The following WDR91 variants were observed in gnomAD, a reference collection of about 807,000 sequenced individuals.
The protein encoded by WDR91 is WD repeat-containing protein 91.
WDR91 carries 52 observed loss-of-function variants against 88.4 expected under a neutral mutation model. The observed-to-expected ratio is 0.59, with a 90% confidence interval of 0.47 to 0.74. The LOEUF is 0.74. Among genes scored for constraint, WDR91 ranks in the 30% least tolerant of loss-of-function variants. The pLI, the probability that WDR91 is intolerant of heterozygous loss-of-function variation, is 0.00. For synonymous variants in WDR91, 362 were observed against 389.5 expected (o/e 0.93, Z 0.83); for missense variants, 824 against 954.5 (o/e 0.86, Z 1.80).
intron 1 of WDR91, among the ~76,000 whole-genome samples, chr7:135,210,243 G>A (rs763018658): frequency 7.9e-5 from 12 of 152,126 alleles, no homozygotes; most frequent in Admixed American, 2.0e-4. Flanking sequence ...CCAGCTACTC[G>A]GGAGGCTGAG....
At chr7:135,208,253 C>T (rs967422831) in intron 3 of WDR91, among the ~76,000 whole-genome samples, 6 of 152,154 alleles carry the variant, frequency 3.9e-5, no homozygotes, top group African/African-American at 1.4e-4. Context: ...TACCTGCATT[C>T]TCATTCATTC....
rs1372199462 is a variant in WDR91, at chr7:135,187,129, G to T, written c.1922C>A (p.Ser641Tyr). Residue 641 changes from serine to tyrosine, a missense_variant, in exon 14 of 15, where the codon TCC becomes TAC. Transcript: ENST00000354475. ...GGCATCTGAGGGGAGGCTGTACTCGGATACCTTGAGGCCACTCTTGTGGAT... is the reference window on the plus strand; with the variant it reads ...GGCATCTGAGGGGAGGCTGTACTCGTATACCTTGAGGCCACTCTTGTGGAT... ...WNIHKSGLKV[S>Y]EYSLPSDATG... is the part of the protein sequence containing the mutation. The T allele has an allele frequency of 6.2e-7, 1 of 1,614,238 alleles. No individual in the cohort carries two copies. The highest frequency in any genetic ancestry group is 1.1e-5 in the South Asian group (1 of 91,092).
In WDR91 at chr7:135,186,138, T is replaced by C. The variant is rs755247860; in HGVS notation, c.*13A>G. 17 of 1,579,572 alleles carry C rather than the reference T, an allele frequency of 1.1e-5. No individual in the cohort carries two copies. The Admixed American group carries it at 2.1e-4, about 20-fold the overall frequency. On this transcript the variant is annotated 3_prime_UTR_variant, in exon 15 of 15. Transcript: ENST00000354475. The stretch of plus-strand genomic sequence containing the variant: ...ATAATACTGCTTCCTCGGGTGGCCC[T>C]TGGGGCAAGTCATCAGGCTTTATGG...
intron 9 of WDR91, among the ~76,000 whole-genome samples, chr7:135,194,489 A>T (rs530610346): frequency 6.6e-6 from 1 of 152,342 alleles, no homozygotes; most frequent in East Asian, 1.9e-4. Flanking sequence ...TCAAATATCA[A>T]ATCCAGAGGG....
intron 11 of WDR91, among the ~76,000 whole-genome samples, chr7:135,190,090 C>T (rs184728230): frequency 4.9e-4 from 74 of 152,212 alleles, no homozygotes; most frequent in African/African-American, 1.4e-3. Context: ...AAAGCAAGAA[C>T]GCAGAGAACC....
intron 5 of WDR91, among the ~76,000 whole-genome samples, chr7:135,205,435 T>C (rs1346926900): frequency 6.6e-6 from 1 of 152,148 alleles, no homozygotes; most frequent in Non-Finnish European, 1.5e-5. Context: ...CTAGAGGACT[T>C]CTGAGGCCAT....
chr7:135,189,383 G>A lies in WDR91; in HGVS notation c.1729C>T (p.Leu577=), dbSNP rs760250821. Residue 577 remains leucine (L), a synonymous_variant, in exon 12 of 15, where the codon CTG becomes TTG. Coordinates refer to ENST00000354475, the MANE Select transcript of WDR91 (RefSeq NM_014149.4). The stretch of plus-strand genomic sequence containing the variant: ...ACGCCATCAGCTGCCCCTGTGACCA[G>A]CAGGTTCCCGTTGTGATTGAAGGCT... The part of the protein sequence containing the change: ...CTAFNHNGNL[L]VTGAADGVIR... 8 of 1,613,966 alleles carry A rather than the reference G, an allele frequency of 5.0e-6. No homozygotes were observed. Among genetic ancestry groups the A allele is most frequent in the Admixed American group, 1.7e-5 (1 of 60,016 alleles).
intron 8 of WDR91, among the ~76,000 whole-genome samples, chr7:135,195,766 G>A (rs960677155): frequency 6.6e-6 from 1 of 152,112 alleles, no homozygotes; most frequent in East Asian, 1.9e-4. Flanking sequence ...GGCCAACATG[G>A]TGAAACCCCG....
In WDR91 at chr7:135,209,636, T is replaced by C; in HGVS notation, c.243A>G (p.Arg81=). The part of the protein sequence containing the change: ...RLFSRLEDIY[R]PTIHKLKTSL... Reference sequence around the variant, plus strand: ...TGGTTTTCAGCTTGTGGATTGTGGGTCTGTATATATCCTCCAAGCGGCTGA... The same window carrying C: ...TGGTTTTCAGCTTGTGGATTGTGGGCCTGTATATATCCTCCAAGCGGCTGA... Residue 81 remains arginine, a synonymous_variant, in exon 2 of 15, where the codon AGA becomes AGG. Coordinates refer to ENST00000354475, the MANE Select transcript of WDR91 (RefSeq NM_014149.4). 4 of 1,611,374 alleles carry C rather than the reference T, an allele frequency of 2.5e-6. No individual in the cohort carries two copies. Among genetic ancestry groups the C allele is most frequent in the Non-Finnish European group, 3.4e-6 (4 of 1,178,696 alleles).
At chr7:135,188,580 C>G (rs1285895911) in intron 12 of WDR91, 35 bp from the exon 13 acceptor site, 2 of 1,572,894 alleles carry the variant, frequency 1.3e-6, no homozygotes, top group East Asian at 4.5e-5. Flanking sequence ...CACATCCTGG[C>G]CAGGGCTCTG....
In WDR91 at chr7:135,186,365, C is replaced by T. The variant is rs1351972265; in HGVS notation, c.2080-50G>A. 1.9e-6 allele frequency: 3 copies of T among 1,578,082 alleles called. No homozygotes were observed. The African/African-American group carries it at 4.1e-5, about 22-fold the overall frequency. ...GAGGTGTCAGCAAACACCAGTTACA[C>T]ACACTTGATCCACTTTCAGTGGCCT... On this transcript the variant is annotated intron_variant, in intron 14 of 14. Coordinates refer to ENST00000354475, the MANE Select transcript of WDR91 (RefSeq NM_014149.4).
intron 13 of WDR91, 98 bp downstream of exon 13, chr7:135,188,335 G>A (rs1047301068): frequency 2.0e-5 from 18 of 892,340 alleles, no homozygotes; most frequent in Non-Finnish European, 2.8e-5. Context: ...GCAAAAAGAG[G>A]CCCCAGGTTG....
At position 135,193,608 on chromosome 7, in the gene WDR91, CAG is replaced by C. The variant is rs758606191; in HGVS notation, c.1458_1459del (p.Cys487Ter). 23 of 1,614,180 alleles carry C rather than the reference CAG, an allele frequency of 1.4e-5. No individual in the cohort carries two copies. Among genetic ancestry groups the C allele is most frequent in the Non-Finnish European group, 1.9e-5 (22 of 1,180,024 alleles). Reference sequence around the variant, plus strand: ...CATGTTGTCGTTGATATTGATTTCACAGAGATTCTTCTTGGCTTCCGTGTCAT... The same window carrying C: ...CATGTTGTCGTTGATATTGATTTCACAGATTCTTCTTGGCTTCCGTGTCAT... On this transcript the variant is annotated frameshift_variant, in exon 10 of 15. Coordinates refer to ENST00000354475, the MANE Select transcript of WDR91 (RefSeq NM_014149.4). LOFTEE classifies it high-confidence loss of function.
chr7:135,193,346 G>A lies in WDR91; in HGVS notation c.1544C>T (p.Ala515Val). The change falls in exon 11 of 15, where the codon GCA becomes GTA. Residue 515 changes from alanine to valine, a missense_variant. Ala to Val is a moderately conservative substitution (Grantham distance 64). Transcript: ENST00000354475. ...CACCTGGGAAGTGAGGCTCGGAGCT[G>A]CTGCCGAACAGACGAAAGAGGCCCC... ...PNGASFVCSA[A>V]APSLTSQVDF... is the part of the protein sequence containing the mutation. The A allele has an allele frequency of 6.2e-7, 1 of 1,614,238 alleles. No homozygotes were observed. The highest frequency in any genetic ancestry group is 1.7e-4 in the Middle Eastern group (1 of 6,060).
intron 3 of WDR91, among the ~76,000 whole-genome samples, chr7:135,208,475 C>T (rs1010041973): frequency 6.6e-6 from 1 of 152,126 alleles, no homozygotes; most frequent in Admixed American, 6.5e-5. Context: ...CAAGGCTGCC[C>T]GGTTTCTCCA....
At chr7:135,189,981 T>A (rs776620708) in intron 11 of WDR91, among the ~76,000 whole-genome samples, 23 of 152,178 alleles carry the variant, frequency 1.5e-4, no homozygotes, top group Non-Finnish European at 2.8e-4. Flanking sequence ...CACTAAATAA[T>A]CCTCCTGAAA....
intron 14 of WDR91, among the ~76,000 whole-genome samples, chr7:135,186,524 C>T (rs1031621863): frequency 6.6e-5 from 10 of 152,214 alleles, no homozygotes; most frequent in Non-Finnish European, 1.3e-4. Flanking sequence ...AGTCCCTGAG[C>T]GGCTCCTTAA....
chr7:135,192,975 G>A (rs1376462486), intron 11 of WDR91, among the ~76,000 whole-genome samples: 1 of 152,188 alleles, frequency 6.6e-6, no homozygotes, highest in Admixed American at 6.5e-5. Context: ...GTCAGAGGGA[G>A]GCACGAGTCC....
intron 7 of WDR91, chr7:135,197,744 T>C (rs1831424022): frequency 2.4e-6 from 1 of 412,370 alleles, no homozygotes; most frequent in African/African-American, 2.0e-5. Context: ...AGTCATCTTC[T>C]GAGAGCACTT....
Sources: gnomAD v4.1 joint callset for allele counts (sites outside exome capture counted in the v4.1 genomes callset) on GRCh38, gnomAD v4.1.1 for gene constraint, MANE v1.5 for transcripts, NCBI Gene and HGNC (gene_info 2026-07-23, HGNC 2026-07-21) for gene names.